CEP112: variants seen among roughly 807,000 people sequenced by gnomAD.
CEP112 encodes the protein centrosomal protein of 112 kDa.
In CEP112, 127 loss-of-function variants were observed where a neutral mutation model predicts 153.0. That is an observed-to-expected ratio of 0.83 (90% CI 0.72 to 0.96). The LOEUF is 0.96. Ranked by LOEUF, CEP112 falls within the 40% of genes least tolerant of loss-of-function variation. The pLI is 0.00. For synonymous variants in CEP112, 358 were observed against 374.4 expected (o/e 0.96, Z 0.51); for missense variants, 1,089 against 1,101.2 (o/e 0.99, Z 0.16).
At chr17:66,065,922 C>T (rs547650277) in intron 10 of CEP112, among the ~76,000 whole-genome samples, 47 of 152,312 alleles carry the variant, frequency 3.1e-4, no homozygotes, top group Middle Eastern at 3.4e-3. Flanking sequence ...AGCCACCGCG[C>T]CCGGCCTAAA....
intron 12 of CEP112, among the ~76,000 whole-genome samples, chr17:66,048,323 T>G (rs919365887): frequency 5.9e-5 from 9 of 152,086 alleles, no homozygotes; most frequent in African/African-American, 2.2e-4. Flanking sequence ...CCAGAGAAAT[T>G]ATCCAATGTT....
At chr17:65,704,453 A>T (rs1271794201) in intron 23 of CEP112, among the ~76,000 whole-genome samples, 1 of 150,748 alleles carries the variant, frequency 6.6e-6, no homozygotes, top group African/African-American at 2.4e-5. Flanking sequence ...ACACACACAC[A>T]CAAACATTTC....
At chr17:65,940,046 A>G (rs145544316) in intron 18 of CEP112, among the ~76,000 whole-genome samples, 11 of 152,328 alleles carry the variant, frequency 7.2e-5, no homozygotes, top group African/African-American at 2.6e-4. Flanking sequence ...CAATAGCAAG[A>G]AAAATAAACT....
At chr17:65,837,910 A>T (rs902146989) in intron 21 of CEP112, among the ~76,000 whole-genome samples, 8 of 152,132 alleles carry the variant, frequency 5.3e-5, no homozygotes, top group African/African-American at 1.7e-4. Flanking sequence ...AAGAGTCATC[A>T]CCACTCCCTA....
intron 20 of CEP112, among the ~76,000 whole-genome samples, chr17:65,901,286 C>T (rs1037777459): frequency 7.2e-5 from 11 of 152,086 alleles, no homozygotes; most frequent in Non-Finnish European, 1.6e-4. Flanking sequence ...ACCTAGTATA[C>T]AATATGTTTT....
At chr17:65,937,559 AGGGAGGT>A (rs2061368631) in intron 18 of CEP112, among the ~76,000 whole-genome samples, 1 of 94,840 alleles carries the variant, frequency 1.1e-5, no homozygotes, top group African/African-American at 3.7e-5. Flanking sequence ...CCCGTCCGGG[AGGGAGGT>A]GGGGGGGGTC....
At chr17:65,844,668 C>T (rs1224122729) in intron 21 of CEP112, among the ~76,000 whole-genome samples, 8 of 139,360 alleles carry the variant, frequency 5.7e-5, no homozygotes, top group African/African-American at 2.2e-4. Context: ...CAAAGGAAGA[C>T]TCTATCTCAA....
chr17:66,023,727 A>T (rs1339876653), intron 16 of CEP112, among the ~76,000 whole-genome samples: 1 of 152,194 alleles, frequency 6.6e-6, no homozygotes, highest in Non-Finnish European at 1.5e-5. Context: ...GAGAAAAAAG[A>T]AACAAATAAT....
chr17:66,053,862 T>C lies in CEP112; in HGVS notation c.1092A>G (p.Ala364=). The C allele has an allele frequency of 6.2e-7, 1 of 1,612,590 alleles. No individual in the cohort carries two copies. The highest frequency in any genetic ancestry group is 8.5e-7 in the Non-Finnish European group (1 of 1,179,130). ...DWEKKLHNAV[A]EMEQEKFDLQ... ...GATCAAACTTTTCCTGTTCCATTTC[T>C]GCTACAGCATTGTGAAGCTACATCA... Residue 364 remains alanine (A), a synonymous_variant, in exon 12 of 27, where the codon GCA becomes GCG. Coordinates refer to ENST00000535342, the MANE Select transcript of CEP112 (RefSeq NM_001199165.4).
intron 19 of CEP112, among the ~76,000 whole-genome samples, chr17:65,926,520 C>T (rs2060930464): frequency 6.6e-6 from 1 of 152,010 alleles, no homozygotes; most frequent in African/African-American, 2.4e-5. Flanking sequence ...CAAAACCAGC[C>T]TGGCCAACAT....
rs1197771110 is a variant in CEP112, at chr17:66,020,687, A to T, written c.1656+6814T>A. Among the ~76,000 whole-genome samples, 5 of 152,246 alleles carry T rather than the reference A, an allele frequency of 3.3e-5. No homozygotes were observed. In the East Asian group the frequency reaches 9.6e-4, roughly 29 times the overall value. ...TGTATTTTACAAGTAGATTGACTTG[A>T]TAAATGTTAAAACAGCAGATAGTGA... On this transcript the variant is annotated intron_variant, in intron 16 of 26. Transcript: ENST00000535342.
At chr17:65,894,728 T>G (rs908286093) in intron 20 of CEP112, among the ~76,000 whole-genome samples, 4 of 152,062 alleles carry the variant, frequency 2.6e-5, no homozygotes, top group South Asian at 4.1e-4. Context: ...GGATTCTTAC[T>G]CTGGGCACTC....
At chr17:65,766,050 A>G (rs995127502) in intron 21 of CEP112, among the ~76,000 whole-genome samples, 2 of 150,014 alleles carry the variant, frequency 1.3e-5, no homozygotes, top group Non-Finnish European at 3.0e-5. Context: ...AATTCAAAAT[A>G]AGAAAAGGAA....
chr17:65,828,406 G>C (rs2056933432), intron 21 of CEP112, among the ~76,000 whole-genome samples: 1 of 152,146 alleles, frequency 6.6e-6, no homozygotes, highest in African/African-American at 2.4e-5. Context: ...TCTTCCTGCT[G>C]GTTAAGAAAT....
In CEP112 at chr17:65,971,167, GTACAGCACA is replaced by G. The variant is rs2062761815; in HGVS notation, c.1737-9578_1737-9570del. 7.3e-5 allele frequency among the ~76,000 whole-genome samples: 4 copies of G among 54,928 alleles called. No homozygotes were observed. The East Asian group carries it at 0.032, about 436-fold the overall frequency. 36.0% of individuals were successfully genotyped at this position (54,928 alleles called of 152,430 possible). ...TGCACATGATACATGTACATTACAT[GTACAGCACA>G]TGTACAGCACATGCATATCACATTG... On this transcript the variant is annotated intron_variant, in intron 17 of 26. Transcript: ENST00000535342.
chr17:65,765,968 C>A (rs948434792), intron 21 of CEP112, among the ~76,000 whole-genome samples: 11 of 151,782 alleles, frequency 7.2e-5, no homozygotes, highest in African/African-American at 2.7e-4. Context: ...AAATATGACA[C>A]CACCAAAGAA....
chr17:65,635,939 G>A lies in CEP112; in HGVS notation c.*32C>T, dbSNP rs369663847. The A allele has an allele frequency of 5.6e-6, 9 of 1,595,770 alleles. No homozygotes were observed. The African/African-American group carries it at 6.7e-5, about 12-fold the overall frequency. On this transcript the variant is annotated 3_prime_UTR_variant, in exon 27 of 27. Transcript: ENST00000535342. ...CTGGAAGAAGTCCACAGCACAGCCT[G>A]GAAATTGCATCCGTTGCATTCTCTC...
At chr17:65,986,643 C>CT (rs1357310104) in intron 17 of CEP112, among the ~76,000 whole-genome samples, 1 of 152,122 alleles carries the variant, frequency 6.6e-6, no homozygotes, top group Non-Finnish European at 1.5e-5. Context: ...GGAAAACAAT[C>CT]TGAGTTCAAA....
intron 8 of CEP112, among the ~76,000 whole-genome samples, chr17:66,081,654 C>T (rs1002192892): frequency 6.6e-6 from 1 of 150,440 alleles, no homozygotes; most frequent in Non-Finnish European, 1.5e-5. Flanking sequence ...CAGTGGCTCA[C>T]GCCTGTAATC....
Sources: gnomAD v4.1 joint callset for allele counts (sites outside exome capture counted in the v4.1 genomes callset) on GRCh38, gnomAD v4.1.1 for gene constraint, MANE v1.5 for transcripts, NCBI Gene and HGNC (gene_info 2026-07-23, HGNC 2026-07-21) for gene names.